Variants in DGKB observed in about 807,000 individuals in gnomAD.
DGKB encodes the protein diacylglycerol kinase beta.
In DGKB, 67 loss-of-function variants were observed where a neutral mutation model predicts 114.3. The ratio of observed to expected loss-of-function variants is 0.59; its 90% CI spans 0.48 to 0.72. The LOEUF is 0.72. Ranked by LOEUF, DGKB falls within the 30% of genes least tolerant of loss-of-function variation. The pLI is 0.00. For missense variants in DGKB, 907 were observed against 975.2 expected, an observed-to-expected ratio of 0.93 and a Z score of 0.93; for synonymous variants, 398 against 323.1, an observed-to-expected ratio of 1.23 and a Z score of -2.49.
intron 20 of DGKB, among the ~76,000 whole-genome samples, chr7:14,542,668 G>T (rs1379573561): frequency 6.6e-6 from 1 of 152,150 alleles, no homozygotes; most frequent in Non-Finnish European, 1.5e-5. Context: ...CTTTCCAGGG[G>T]TCCAAGCACA....
intron 2 of DGKB, among the ~76,000 whole-genome samples, chr7:14,826,790 A>C (rs1286115786): frequency 6.6e-6 from 1 of 152,164 alleles, no homozygotes; most frequent in Admixed American, 6.6e-5. Context: ...ACATAGTTAA[A>C]ATTTAGGCAT....
intron 2 of DGKB, among the ~76,000 whole-genome samples, chr7:14,828,156 G>A (rs1253486019): frequency 6.6e-6 from 1 of 152,064 alleles, no homozygotes; most frequent in African/African-American, 2.4e-5. Flanking sequence ...ATACTAGAAA[G>A]TTTTTTAAAA....
intron 20 of DGKB, among the ~76,000 whole-genome samples, chr7:14,548,179 A>C (rs1447943702): frequency 1.3e-5 from 2 of 152,228 alleles, no homozygotes; most frequent in African/African-American, 2.4e-5. Context: ...ATTTATTTAC[A>C]TGTGAGTGAT....
intron 3 of DGKB, among the ~76,000 whole-genome samples, chr7:14,755,327 T>C (rs1174061245): frequency 4.6e-5 from 7 of 152,292 alleles, no homozygotes; most frequent in Non-Finnish European, 1.0e-4. Flanking sequence ...CTTCAGTAAT[T>C]CAAGTGAATT....
intron 1 of DGKB, among the ~76,000 whole-genome samples, chr7:14,894,876 T>C (rs1192632667): frequency 4.6e-5 from 7 of 151,654 alleles, no homozygotes; most frequent in Non-Finnish European, 1.0e-4. Flanking sequence ...TGCTATGTTA[T>C]CTTTAATGTG....
intron 21 of DGKB, among the ~76,000 whole-genome samples, chr7:14,364,996 G>A (rs1326311639): frequency 6.6e-6 from 1 of 151,922 alleles, no homozygotes; most frequent in Non-Finnish European, 1.5e-5. Context: ...GACACTGGCT[G>A]TAAACATCAA....
At chr7:14,404,653 A>G (rs896546856) in intron 21 of DGKB, among the ~76,000 whole-genome samples, 1 of 151,890 alleles carries the variant, frequency 6.6e-6, no homozygotes, top group Non-Finnish European at 1.5e-5. Flanking sequence ...CATGGTCTCT[A>G]GTCACTTTCT....
At chr7:14,964,611 C>T (rs1163144417) in intron 1 of DGKB, among the ~76,000 whole-genome samples, 1 of 152,048 alleles carries the variant, frequency 6.6e-6, no homozygotes, top group Non-Finnish European at 1.5e-5. Context: ...ATGCAGAGGG[C>T]ACTAGAATTT....
At chr7:14,874,198 A>G (rs1372722799) in intron 1 of DGKB, among the ~76,000 whole-genome samples, 1 of 152,128 alleles carries the variant, frequency 6.6e-6, no homozygotes, top group African/African-American at 2.4e-5. Context: ...GTACAAATTC[A>G]GAGCCTGATA....
chr7:14,558,686 C>T (rs1008907350), intron 20 of DGKB, among the ~76,000 whole-genome samples: 1 of 152,078 alleles, frequency 6.6e-6, no homozygotes, highest in African/African-American at 2.4e-5. Context: ...TAAGAAAAAC[C>T]AAGAGGCTGT....
chr7:14,427,143 G>T lies in DGKB; in HGVS notation c.1835+51018C>A, dbSNP rs187694312. 2.5e-3 allele frequency among the ~76,000 whole-genome samples: 381 copies of T among 152,122 alleles called. 4 individuals carry two copies. Among genetic ancestry groups the T allele is most frequent in the South Asian group, 0.025 (119 of 4,810 alleles). ...CAGGATAAATAGCTAATGCATATGG[G>T]GCTTAATACCTAGGTAATAGGTTGA... is the stretch of plus-strand genomic sequence containing the variant. On this transcript the variant is annotated intron_variant, in intron 21 of 25. Coordinates refer to ENST00000402815, the MANE Select transcript of DGKB (RefSeq NM_001350709.2).
At chr7:14,227,756 C>T (rs1388329641) in intron 23 of DGKB, among the ~76,000 whole-genome samples, 1 of 151,932 alleles carries the variant, frequency 6.6e-6, no homozygotes, top group Non-Finnish European at 1.5e-5. Context: ...AACATTTACC[C>T]ATAATTTCAT....
intron 25 of DGKB, among the ~76,000 whole-genome samples, chr7:14,152,015 G>C (rs903410843): frequency 1.3e-5 from 2 of 152,032 alleles, no homozygotes; most frequent in African/African-American, 4.8e-5. Context: ...CTCAGACTCA[G>C]GTTGCTCATG....
intron 21 of DGKB, among the ~76,000 whole-genome samples, chr7:14,414,788 A>G (rs1482881933): frequency 6.6e-6 from 1 of 152,136 alleles, no homozygotes; most frequent in Non-Finnish European, 1.5e-5. Context: ...CGGGTGTGAA[A>G]TGACATTCTC....
Position 14,682,689 on chromosome 7 carries a change from T to C in DGKB, c.919-20A>G. 1 of 1,609,382 alleles carries C rather than the reference T, an allele frequency of 6.2e-7. No individual in the cohort carries two copies. The highest frequency in any genetic ancestry group is 8.5e-7 in the Non-Finnish European group (1 of 1,175,902). ...CATGACCTAGAACAGAATGACAACA[T>C]TGTGATAAGAGGACACACTACATAA... On this transcript the variant is annotated intron_variant, in intron 11 of 25. Coordinates refer to ENST00000402815, the MANE Select transcript of DGKB (RefSeq NM_001350709.2).
intron 12 of DGKB, among the ~76,000 whole-genome samples, chr7:14,681,496 A>G (rs1382380378): frequency 6.6e-6 from 1 of 151,674 alleles, no homozygotes; most frequent in East Asian, 1.9e-4. Flanking sequence ...AGAATTGTTT[A>G]AGCCCTGGGT....
At position 14,937,179 on chromosome 7, in the gene DGKB, C is replaced by A. The variant is rs1011864007; in HGVS notation, c.-188+37517G>T. Among the ~76,000 whole-genome samples the A allele has an allele frequency of 3.3e-5, 5 of 151,864 alleles. No homozygotes were observed. In the East Asian group the frequency reaches 9.7e-4, roughly 29 times the overall value. ...ATGTATATACTATCAACGTATTAATCAATTAATCTATTACTAATAGAATTT... is the reference window on the plus strand; with the variant it reads ...ATGTATATACTATCAACGTATTAATAAATTAATCTATTACTAATAGAATTT... On this transcript the variant is annotated intron_variant, in intron 1 of 4. Transcript: ENST00000437998.
At position 14,698,183 on chromosome 7, in the gene DGKB, A is replaced by T; in HGVS notation, c.517-14T>A. 4 of 1,469,210 alleles carry T rather than the reference A, an allele frequency of 2.7e-6. No homozygotes were observed. Among genetic ancestry groups the T allele is most frequent in the Non-Finnish European group, 3.7e-6 (4 of 1,093,530 alleles). The allele number at this position is 1,469,210 out of a possible 1,614,324, so 91.0% of individuals were successfully genotyped here. A position where few individuals can be genotyped will look rare whatever the true frequency, so the allele number is the denominator to read the frequency against. ...ATTTTCTAGCTCCTGGAAGAGAAAG[A>T]GAGATAAAAAATATGAATACAAGAT... is the stretch of plus-strand genomic sequence containing the variant. On this transcript the variant is annotated splice_polypyrimidine_tract_variant and intron_variant, in intron 7 of 25. Transcript: ENST00000402815.
chr7:14,961,102 G>C (rs1786817260), intron 1 of DGKB, among the ~76,000 whole-genome samples: 1 of 152,016 alleles, frequency 6.6e-6, no homozygotes, highest in South Asian at 2.1e-4. Context: ...ATACAGGAGA[G>C]CCTTCCATTC....
Sources: gnomAD v4.1 joint callset for allele counts (sites outside exome capture counted in the v4.1 genomes callset) on GRCh38, gnomAD v4.1.1 for gene constraint, MANE v1.5 for transcripts, NCBI Gene and HGNC (gene_info 2026-07-23, HGNC 2026-07-21) for gene names.